TENM3: variants seen among roughly 807,000 people sequenced by gnomAD.
TENM3 encodes teneurin transmembrane protein 3.
TENM3 carries 63 observed loss-of-function variants against 255.1 expected under a neutral mutation model. The ratio of observed to expected loss-of-function variants is 0.25; its 90% CI spans 0.20 to 0.30. The LOEUF (loss-of-function observed/expected upper bound fraction) is 0.30. Among genes scored for constraint, TENM3 ranks in the 10% least tolerant of loss-of-function variants. TENM3 has a pLI of 1.00. For missense variants in TENM3, 2,929 were observed against 3,461.1 expected, an observed-to-expected ratio of 0.85 and a Z score of 3.86; for synonymous variants, 1,306 against 1,322.3, an observed-to-expected ratio of 0.99 and a Z score of 0.27.
Position 182,584,095 on chromosome 4 carries a change from C to T in TENM3, c.512-16829C>T, listed in dbSNP as rs529574699. 1.1e-4 allele frequency among the ~76,000 whole-genome samples: 17 copies of T among 152,248 alleles called. No homozygotes were observed. The South Asian group carries it at 2.3e-3, about 20-fold the overall frequency. On this transcript the variant is annotated intron_variant, in intron 3 of 27. Coordinates refer to ENST00000511685, the MANE Select transcript of TENM3 (RefSeq NM_001080477.4). ...GGCTTATTTGTTTTAAACCCTAAGC[C>T]GCCTTTCTGAAACCTGAAAAAGATT...
At chr4:181,993,529 G>T in the TENM3 span, among the ~76,000 whole-genome samples, 2 of 152,104 alleles carry the variant, frequency 1.3e-5, no homozygotes, top group Admixed American at 6.6e-5. Flanking sequence ...ATAAATTAGA[G>T]AAACTAATGA....
intron 1 of TENM3, among the ~76,000 whole-genome samples, chr4:182,229,277 C>T (rs1188831744): frequency 3.3e-5 from 5 of 152,046 alleles, no homozygotes; most frequent in Non-Finnish European, 7.4e-5. Context: ...AATCATTCTT[C>T]ACATTTTAGA....
intron 1 of TENM3, among the ~76,000 whole-genome samples, chr4:182,247,062 G>T (rs1277750093): frequency 6.6e-6 from 1 of 152,180 alleles, no homozygotes; most frequent in African/African-American, 2.4e-5. Context: ...ATGTAAAGAT[G>T]CGAAGAACAC....
At chr4:182,264,346 G>A (rs185052122) in intron 1 of TENM3, among the ~76,000 whole-genome samples, 4 of 152,304 alleles carry the variant, frequency 2.6e-5, no homozygotes, top group Admixed American at 6.5e-5. Flanking sequence ...ACAAAAGACT[G>A]GATGAAGTCT....
chr4:181,621,396 T>A, the TENM3 span, among the ~76,000 whole-genome samples: 2 of 152,348 alleles, frequency 1.3e-5, no homozygotes, highest in East Asian at 3.9e-4. Context: ...GTTTTCAGAT[T>A]TATTACATAG....
At chr4:182,483,686 T>C (rs1687082476) in intron 3 of TENM3, among the ~76,000 whole-genome samples, 1 of 152,164 alleles carries the variant, frequency 6.6e-6, no homozygotes, top group South Asian at 2.1e-4. Context: ...AACTACCTGA[T>C]ACTGGTAGTT....
At chr4:181,519,606 G>A in the TENM3 span, among the ~76,000 whole-genome samples, 12 of 152,208 alleles carry the variant, frequency 7.9e-5, no homozygotes, top group South Asian at 2.1e-4. Context: ...TGAACTATTC[G>A]GAGATTGTGA....
At chr4:182,782,741 G>A (rs1217547649) in intron 24 of TENM3, among the ~76,000 whole-genome samples, 1 of 51,016 alleles carries the variant, frequency 2.0e-5, no homozygotes, top group African/African-American at 8.7e-5. Context: ...TGGTGCTCCT[G>A]TATTGGGTGC....
At chr4:182,453,377 C>T (rs1773623704) in intron 3 of TENM3, among the ~76,000 whole-genome samples, 2 of 152,080 alleles carry the variant, frequency 1.3e-5, no homozygotes, top group Non-Finnish European at 2.9e-5. Flanking sequence ...GGGCATGTCA[C>T]ATTTAAATAA....
chr4:181,907,598 G>A, the TENM3 span, among the ~76,000 whole-genome samples: 1 of 152,046 alleles, frequency 6.6e-6, no homozygotes, highest in Non-Finnish European at 1.5e-5. Flanking sequence ...AAGGGAAGAG[G>A]GAGAGAAGGT....
chr4:182,244,176 A>G (rs1216607831), intron 1 of TENM3, among the ~76,000 whole-genome samples: 1 of 151,364 alleles, frequency 6.6e-6, no homozygotes, highest in East Asian at 1.9e-4. Context: ...GATGGTCTCG[A>G]TCTCCTGACC....
the TENM3 span, among the ~76,000 whole-genome samples, chr4:182,010,993 G>GA: frequency 6.6e-6 from 1 of 152,150 alleles, no homozygotes; most frequent in African/African-American, 2.4e-5. Flanking sequence ...TTCTCCAGCT[G>GA]CTTTGCAGAA....
At chr4:181,865,267 A>G in the TENM3 span, among the ~76,000 whole-genome samples, 2 of 152,216 alleles carry the variant, frequency 1.3e-5, no homozygotes, top group African/African-American at 4.8e-5. Context: ...TTCTATTAAT[A>G]TATCTTTAAA....
chr4:181,607,730 G>A, the TENM3 span, among the ~76,000 whole-genome samples: 9 of 152,056 alleles, frequency 5.9e-5, no homozygotes. Flanking sequence ...AGCCGCCTGT[G>A]GTCAGTGGCT....
the TENM3 span, among the ~76,000 whole-genome samples, chr4:181,665,559 A>G: frequency 1.3e-5 from 2 of 152,094 alleles, no homozygotes; most frequent in African/African-American, 4.8e-5. Flanking sequence ...TTTCATACAT[A>G]CGGTGTGTGT....
the TENM3 span, among the ~76,000 whole-genome samples, chr4:181,570,821 C>T: frequency 6.6e-6 from 1 of 152,150 alleles, no homozygotes; most frequent in South Asian, 2.1e-4. Context: ...CTGGAGGCAA[C>T]ACCTGTGAAG....
Position 182,800,138 on chromosome 4 carries a change from C to T in TENM3, c.7887C>T (p.Leu2629=), listed in dbSNP as rs1355713479. The change falls in exon 28 of 28, where the codon CTC becomes CTT. Residue 2629 remains leucine (L), a synonymous_variant. Coordinates refer to ENST00000511685, the MANE Select transcript of TENM3 (RefSeq NM_001080477.4). ...TGGAGCAGGCGCGGCAGCGCGCGCT[C>T]GCCCGGGCCTGGGCGCGCGAGCAGC... ...RILEQARQRA[L]ARAWAREQQR... 2 of 1,451,078 alleles carry T rather than the reference C, an allele frequency of 1.4e-6. No homozygotes were observed. The highest frequency in any genetic ancestry group is 3.0e-5 in the African/African-American group (2 of 66,780). 89.9% of individuals were successfully genotyped at this position (1,451,078 alleles called of 1,614,324 possible). A position where few individuals can be genotyped will look rare whatever the true frequency, so the allele number is the denominator to read the frequency against.
upstream of TENM3, among the ~76,000 whole-genome samples, chr4:182,238,958 C>A (rs568759733): frequency 6.6e-6 from 1 of 151,684 alleles, no homozygotes; most frequent in African/African-American, 2.4e-5. Flanking sequence ...TTGAACAGCT[C>A]TTTCTTCTAG....
intron 24 of TENM3, among the ~76,000 whole-genome samples, chr4:182,786,443 A>C (rs1245824397): frequency 1.3e-5 from 2 of 151,918 alleles, no homozygotes; most frequent in Non-Finnish European, 2.9e-5. Flanking sequence ...TTGTAATCCC[A>C]GCTACTCAGG....
Sources: gnomAD v4.1 joint callset for allele counts (sites outside exome capture counted in the v4.1 genomes callset) on GRCh38, gnomAD v4.1.1 for gene constraint, MANE v1.5 for transcripts, NCBI Gene and HGNC (gene_info 2026-07-23, HGNC 2026-07-21) for gene names.